CASP5: variants seen among roughly 807,000 people sequenced by gnomAD.
CASP5 encodes the protein caspase-5.
CASP5 carries 42 observed loss-of-function variants against 45.2 expected under a neutral mutation model. The ratio of observed to expected loss-of-function variants is 0.93; its 90% CI spans 0.73 to 1.20. The LOEUF is 1.20. CASP5 is among the 50% of genes most tolerant of loss of function. The pLI is 0.00. For synonymous variants in CASP5, 209 were observed against 186.2 expected (o/e 1.12, Z -1.00); for missense variants, 512 against 532.2 (o/e 0.96, Z 0.37).
intron 1 of CASP5, among the ~76,000 whole-genome samples, chr11:105,009,740 T>C (rs184011071): frequency 0.068 from 4,990 of 73,036 alleles, 458 homozygotes; most frequent in African/African-American, 0.26. Flanking sequence ...TATATATATA[T>C]ATATATATAT....
chr11:105,004,487 A>T (rs1861906246), intron 3 of CASP5, among the ~76,000 whole-genome samples: 1 of 152,196 alleles, frequency 6.6e-6, no homozygotes, highest in African/African-American at 2.4e-5. Context: ...AGAAGAATTT[A>T]GTAAGATCTA....
chr11:105,007,431 AATACATTCTATTTTACC>A, intron 2 of CASP5, 97 bp from the exon 3 acceptor site: 3 of 1,162,114 alleles, frequency 2.6e-6, no homozygotes, highest in Non-Finnish European at 3.6e-6. Context: ...CTCCTCTAAA[AATACATTCTATTTTACC>A]ATGTCTCCAG....
At chr11:105,018,815 T>C (rs1591179609) in intron 1 of CASP5, among the ~76,000 whole-genome samples, 1 of 140,718 alleles carries the variant, frequency 7.1e-6, no homozygotes, top group East Asian at 2.0e-4. Flanking sequence ...CTAATAGACA[T>C]CTACAGAACT....
intron 1 of CASP5, among the ~76,000 whole-genome samples, chr11:105,012,250 G>A (rs1331411363): frequency 2.0e-5 from 3 of 151,678 alleles, no homozygotes; most frequent in Non-Finnish European, 4.4e-5. Flanking sequence ...ATGAAAACGG[G>A]CCCTTATCTG....
rs760359534 is a variant in CASP5, at chr11:105,008,997, GA to G, written c.8-18del. On this transcript the variant is annotated intron_variant, in intron 1 of 9. Coordinates refer to ENST00000260315, the MANE Select transcript of CASP5 (RefSeq NM_004347.5). The stretch of plus-strand genomic sequence containing the variant: ...CACTGTCTTCTATCAGAAATATAAA[GA>G]CTCCTTCAACTCTGGGCACAGCTTA... 2 of 1,609,758 alleles carry G rather than the reference GA, an allele frequency of 1.2e-6. No homozygotes were observed. Among genetic ancestry groups the G allele is most frequent in the East Asian group, 4.5e-5 (2 of 44,796 alleles).
At chr11:104,997,872 CA>C (rs1409858313) in intron 7 of CASP5, among the ~76,000 whole-genome samples, 1 of 152,106 alleles carries the variant, frequency 6.6e-6, no homozygotes. Context: ...GAGGAAGCAA[CA>C]AAAAACTACC....
At chr11:105,022,165 TG>T (rs1257048171) in intron 1 of CASP5, among the ~76,000 whole-genome samples, 2 of 89,302 alleles carry the variant, frequency 2.2e-5, no homozygotes, top group Admixed American at 1.6e-4. Flanking sequence ...TGTTGTGGGG[TG>T]GGGGGAGGGG....
chr11:104,998,879 A>G lies in CASP5; in HGVS notation c.1096+6T>C, dbSNP rs1388479710. 7.5e-6 allele frequency: 12 copies of G among 1,610,324 alleles called. No homozygotes were observed. Among genetic ancestry groups the G allele is most frequent in the Non-Finnish European group, 9.3e-6 (11 of 1,178,844 alleles). ...AAATTTTTGACTGTTACTAAAAGAC[A>G]CATACGTGGTGTTGAAGAACAGAAA... On this transcript the variant is annotated splice_donor_region_variant and intron_variant, in intron 7 of 9. Coordinates refer to ENST00000260315, the MANE Select transcript of CASP5 (RefSeq NM_004347.5).
chr11:105,013,836 T>C (rs1404280432), intron 1 of CASP5, among the ~76,000 whole-genome samples: 2 of 151,984 alleles, frequency 1.3e-5, no homozygotes, highest in Non-Finnish European at 2.9e-5. Context: ...ATACCTAACT[T>C]CCAAGTGCGG....
intron 1 of CASP5, among the ~76,000 whole-genome samples, chr11:105,015,423 A>G (rs1762036030): frequency 6.6e-6 from 1 of 152,220 alleles, no homozygotes; most frequent in Non-Finnish European, 1.5e-5. Flanking sequence ...GATAATAAAA[A>G]CGAATGGAAT....
chr11:104,994,699 C>T (rs535745787), intron 9 of CASP5, among the ~76,000 whole-genome samples: 2 of 152,304 alleles, frequency 1.3e-5, no homozygotes, highest in South Asian at 4.1e-4. Context: ...CTCTTTTGGT[C>T]ACACTATCTC....
chr11:104,998,967 CTG>C lies in CASP5; in HGVS notation c.1012_1013del (p.Gln338ValfsTer3). The C allele has an allele frequency of 6.2e-7, 1 of 1,613,858 alleles. No individual in the cohort carries two copies. Among genetic ancestry groups the C allele is most frequent in the Non-Finnish European group, 8.5e-7 (1 of 1,179,788 alleles). On this transcript the variant is annotated frameshift_variant, in exon 7 of 10. Coordinates refer to ENST00000260315, the MANE Select transcript of CASP5 (RefSeq NM_004347.5). LOFTEE classifies it high-confidence loss of function. Reference protein sequence around the residue: ...SPASLALISSQSSENLEADSV... With the variant: ...SPASLALISSXSSENLEADSV... ...AATCTGCCTCCAGGTTCTCAGATGA[CTG>C]TGAAGAGATGAGTGCCAAGGATGCT...
intron 8 of CASP5, 33 bp from the exon 9 acceptor site, chr11:104,995,875 G>A (rs761406463): frequency 1.7e-5 from 22 of 1,262,562 alleles, no homozygotes; most frequent in Non-Finnish European, 2.5e-5. Flanking sequence ...AGATATGAGG[G>A]ATTTTGGGTT....
chr11:105,020,449 T>A (rs1474496177), intron 1 of CASP5, among the ~76,000 whole-genome samples: 1 of 149,458 alleles, frequency 6.7e-6, no homozygotes, highest in African/African-American at 2.5e-5. Flanking sequence ...GATAAGCAAC[T>A]TCAGCAAAGT....
chr11:105,003,376 C>A lies in CASP5; in HGVS notation c.441G>T (p.Leu147=), dbSNP rs371568343. The A allele has an allele frequency of 1.9e-6, 3 of 1,581,328 alleles. No individual in the cohort carries two copies. The highest frequency in any genetic ancestry group is 2.6e-6 in the Non-Finnish European group (3 of 1,158,962). Residue 147 remains leucine (L), a synonymous_variant, in exon 4 of 10, where the codon CTG becomes CTT. Coordinates refer to ENST00000260315, the MANE Select transcript of CASP5 (RefSeq NM_004347.5). ...DQKITSVKPL[L]QIEAGPPESA... The stretch of plus-strand genomic sequence containing the variant: ...ACTCAGGTGGTCCAGCCTCGATTTG[C>A]AGAAGAGCTGTGGGATATCACAAAA...
intron 1 of CASP5, among the ~76,000 whole-genome samples, chr11:105,020,453 G>A (rs1231370782): frequency 6.7e-6 from 1 of 149,276 alleles, no homozygotes; most frequent in African/African-American, 2.5e-5. Flanking sequence ...AGCAACTTCA[G>A]CAAAGTCTCA....
intron 3 of CASP5, 146 bp downstream of exon 3, chr11:105,006,937 G>T: frequency 4.1e-6 from 3 of 739,618 alleles, no homozygotes; most frequent in South Asian, 1.8e-5. Flanking sequence ...AGACAAGGTG[G>T]TCTCTAACAG....
intron 1 of CASP5, among the ~76,000 whole-genome samples, chr11:105,014,342 G>A (rs579384): frequency 0.15 from 23,069 of 151,654 alleles, 2,020 homozygotes; most frequent in Admixed American, 0.25. Flanking sequence ...GGGAGACAAT[G>A]TCAGAGGTAC....
intron 3 of CASP5, among the ~76,000 whole-genome samples, chr11:105,005,426 G>C (rs1347502637): frequency 6.7e-6 from 1 of 149,832 alleles, no homozygotes; most frequent in East Asian, 2.0e-4. Flanking sequence ...TGAATAGCTA[G>C]GATTCTTCTT....
Sources: allele counts gnomAD v4.1 joint callset (sites outside exome capture counted in the v4.1 genomes callset), GRCh38; gene constraint gnomAD v4.1.1; transcripts MANE v1.5; gene names NCBI Gene and HGNC (gene_info 2026-07-23, HGNC 2026-07-21).